The following SMAD3 variants were observed in gnomAD, a reference collection of about 807,000 sequenced individuals.
SMAD3 encodes MAD homolog 3.
SMAD3 carries 12 observed loss-of-function variants against 51.8 expected under a neutral mutation model. The ratio of observed to expected loss-of-function variants is 0.23; its 90% CI spans 0.15 to 0.38. SMAD3 has a LOEUF of 0.38. Among genes scored for constraint, SMAD3 ranks in the 10% least tolerant of loss-of-function variants. The pLI, the probability that SMAD3 is intolerant of heterozygous loss-of-function variation, is 1.00. For synonymous variants in SMAD3, 238 were observed against 227.7 expected (o/e 1.05, Z -0.41); for missense variants, 294 against 565.6 (o/e 0.52, Z 4.87).
At chr15:67,154,125 G>T (rs998081817) in intron 1 of SMAD3, among the ~76,000 whole-genome samples, 1 of 152,160 alleles carries the variant, frequency 6.6e-6, no homozygotes, top group Admixed American at 6.5e-5. Context: ...GACCTGAGCC[G>T]GCTGCTCTGG....
chr15:67,118,321 C>G (rs536902332), intron 1 of SMAD3, among the ~76,000 whole-genome samples: 123 of 152,316 alleles, frequency 8.1e-4, no homozygotes, highest in African/African-American at 2.9e-3. Context: ...ATGGATAGCG[C>G]TTTCCTCTTC....
chr15:67,072,049 G>A (rs989364330), intron 1 of SMAD3, among the ~76,000 whole-genome samples: 26 of 152,210 alleles, frequency 1.7e-4, no homozygotes, highest in African/African-American at 5.8e-4. Context: ...GAATACAGTC[G>A]CATTTAATTC....
chr15:67,184,404 G>A (rs1963164566), intron 6 of SMAD3, among the ~76,000 whole-genome samples: 1 of 152,152 alleles, frequency 6.6e-6, no homozygotes, highest in Non-Finnish European at 1.5e-5. Context: ...ACCGCGCCTG[G>A]CCCCCATCCC....
chr15:67,167,797 G>A (rs1962631486), intron 4 of SMAD3, among the ~76,000 whole-genome samples: 1 of 152,212 alleles, frequency 6.6e-6, no homozygotes, highest in Non-Finnish European at 1.5e-5. Flanking sequence ...CATAGAATGT[G>A]TACTGAGTTG....
chr15:67,188,593 C>T (rs1434119989), intron 8 of SMAD3, among the ~76,000 whole-genome samples: 1 of 152,222 alleles, frequency 6.6e-6, no homozygotes, highest in African/African-American at 2.4e-5. Context: ...CTGTGTGCCC[C>T]CGCCTTCTGC....
chr15:67,178,292 T>C (rs1435859240), intron 5 of SMAD3, among the ~76,000 whole-genome samples: 1 of 152,176 alleles, frequency 6.6e-6, no homozygotes, highest in Non-Finnish European at 1.5e-5. Flanking sequence ...TTTTTTTGAA[T>C]GGTGGGCTGG....
chr15:67,192,191 ATGT>A lies in SMAD3; in HGVS notation c.*1657_*1659del. On this transcript the variant is annotated 3_prime_UTR_variant, in exon 9 of 9. Transcript: ENST00000327367. Reference sequence around the variant, plus strand: ...CAGCTCAAATGTGATGAGATTTCTGATGTTAGAGGGAGATGGAGAGGCTTCCTG... The same window carrying A: ...CAGCTCAAATGTGATGAGATTTCTGATAGAGGGAGATGGAGAGGCTTCCTG... The A allele has an allele frequency of 4.3e-6, 1 of 232,900 alleles. No individual in the cohort carries two copies. The highest frequency in any genetic ancestry group is 8.5e-6 in the Non-Finnish European group (1 of 117,512). 14.4% of individuals were successfully genotyped at this position (232,900 alleles called of 1,614,324 possible). A position where few individuals can be genotyped will look rare whatever the true frequency, so the allele number is the denominator to read the frequency against.
chr15:67,165,526 T>G, intron 3 of SMAD3, 142 bp downstream of exon 3: 1 of 1,008,926 alleles, frequency 9.9e-7, no homozygotes, highest in Non-Finnish European at 1.5e-6. Context: ...TGAGGGCCCC[T>G]GACTCAGAAC....
intron 1 of SMAD3, among the ~76,000 whole-genome samples, chr15:67,113,076 G>GTGTATGTATA (rs763595789): frequency 2.9e-5 from 1 of 34,972 alleles, no homozygotes; most frequent in Non-Finnish European, 5.8e-5. Context: ...ATATATATGT[G>GTGTATGTATA]TATATATATA....
Position 67,189,544 on chromosome 15 carries a change from C to T in SMAD3, c.1155-869C>T, listed in dbSNP as rs773985534. Among the ~76,000 whole-genome samples the T allele has an allele frequency of 2.4e-4, 37 of 152,232 alleles. 1 individual carries two copies. The highest frequency in any genetic ancestry group is 6.3e-4 in the African/African-American group (26 of 41,466). On this transcript the variant is annotated intron_variant, in intron 8 of 8. Transcript: ENST00000327367. The stretch of plus-strand genomic sequence containing the variant: ...CTGGCAGCACTGCACAGCAGCCTGA[C>T]GGGCGGGCGCGGCCCCTTCCCAGAA...
intron 1 of SMAD3, chr15:67,145,990 A>G (rs1335785123): frequency 6.6e-6 from 1 of 152,216 alleles, no homozygotes; most frequent in African/African-American, 2.4e-5. Context: ...CTTCATTGTC[A>G]TCTTTTGGAA....
chr15:67,100,315 T>C (rs998798627), intron 1 of SMAD3, among the ~76,000 whole-genome samples: 2 of 151,324 alleles, frequency 1.3e-5, no homozygotes, highest in East Asian at 3.9e-4. Context: ...AGTATCCCCA[T>C]AGGCAAATTC....
chr15:67,187,595 C>G, intron 8 of SMAD3, 86 bp downstream of exon 8: 1 of 1,522,144 alleles, frequency 6.6e-7, no homozygotes, highest in Non-Finnish European at 9.1e-7. Context: ...CAGAGATGAG[C>G]TAGGCCAGCC....
chr15:67,069,554 G>T (rs993463692), intron 1 of SMAD3, among the ~76,000 whole-genome samples: 2 of 152,108 alleles, frequency 1.3e-5, no homozygotes, highest in African/African-American at 2.4e-5. Context: ...CCATGCCTTG[G>T]CCTCGTTGTT....
rs1361304005 is a variant in SMAD3, at chr15:67,186,991, C to T, written c.1010-374C>T. 3 of 460,286 alleles carry T rather than the reference C, an allele frequency of 6.5e-6. No individual in the cohort carries two copies. In the Admixed American group the frequency reaches 7.1e-5, roughly 11 times the overall value. 28.5% of individuals were successfully genotyped at this position (460,286 alleles called of 1,614,324 possible). A position where few individuals can be genotyped will look rare whatever the true frequency, so the allele number is the denominator to read the frequency against. ...GGGCAACCTGGCCCAGGTCCCTTAT[C>T]TCTCTGTCCCCTGGTCCCTTTGCCC... On this transcript the variant is annotated intron_variant, in intron 7 of 8. Coordinates refer to ENST00000327367, the MANE Select transcript of SMAD3 (RefSeq NM_005902.4).
Position 67,065,888 on chromosome 15 carries a change from CT to C in SMAD3, c.-265del, listed in dbSNP as rs1959900450. On this transcript the variant is annotated 5_prime_UTR_variant, in exon 1 of 9. Transcript: ENST00000327367. ...GCCGCCTCCGCCCCGCGTTCGGGGCCTTCCCGACCCTGCACTGCTGCCGTCC... is the reference window on the plus strand; with the variant it reads ...GCCGCCTCCGCCCCGCGTTCGGGGCCTCCCGACCCTGCACTGCTGCCGTCC... 1 of 216,900 alleles carries C rather than the reference CT, an allele frequency of 4.6e-6. No individual in the cohort carries two copies. Among genetic ancestry groups the C allele is most frequent in the Non-Finnish European group, 9.3e-6 (1 of 108,046 alleles). The allele number at this position is 216,900 out of a possible 1,614,324, so 13.4% of individuals were successfully genotyped here. A position where few individuals can be genotyped will look rare whatever the true frequency, so the allele number is the denominator to read the frequency against.
In SMAD3 at chr15:67,191,340, C is replaced by T. The variant is rs1217099486; in HGVS notation, c.*804C>T. On this transcript the variant is annotated 3_prime_UTR_variant, in exon 9 of 9. Transcript: ENST00000327367. ...ATTAATCTCAAAGAGATTCGAATGA[C>T]GGTAAGTGTTCTCATGAAGCAGGAG... The T allele has an allele frequency of 2.1e-5, 5 of 233,270 alleles. No individual in the cohort carries two copies. Among genetic ancestry groups the T allele is most frequent in the East Asian group, 6.0e-5 (1 of 16,746 alleles). The allele number at this position is 233,270 out of a possible 1,614,324, so 14.5% of individuals were successfully genotyped here.
chr15:67,121,047 C>A (rs1039435843), intron 1 of SMAD3, among the ~76,000 whole-genome samples: 1 of 152,144 alleles, frequency 6.6e-6, no homozygotes, highest in African/African-American at 2.4e-5. Context: ...CTTTGTCTTG[C>A]ATGTTTTCAG....
chr15:67,080,570 C>T (rs1960259513), intron 1 of SMAD3, among the ~76,000 whole-genome samples: 1 of 152,246 alleles, frequency 6.6e-6, no homozygotes, highest in African/African-American at 2.4e-5. Flanking sequence ...TGGGACCTGA[C>T]TTTTCCTGCT....
Sources: allele counts gnomAD v4.1 joint callset (sites outside exome capture counted in the v4.1 genomes callset), GRCh38; gene constraint gnomAD v4.1.1; transcripts MANE v1.5; gene names NCBI Gene and HGNC (gene_info 2026-07-23, HGNC 2026-07-21).